The following AMZ2 variants were observed in gnomAD, a reference collection of about 807,000 sequenced individuals.
AMZ2 encodes the protein archaelysin family metallopeptidase 2, also known as archaemetzincin-2.
AMZ2 carries 26 observed loss-of-function variants against 36.7 expected under a neutral mutation model. That is an observed-to-expected ratio of 0.71 (90% CI 0.52 to 0.98). The LOEUF (loss-of-function observed/expected upper bound fraction) is 0.98, where lower values mean the gene tolerates loss of function less well. Ranked by LOEUF, AMZ2 falls within the 50% of genes least tolerant of loss-of-function variation. The pLI is 0.00. For synonymous variants in AMZ2, 144 were observed against 149.1 expected, an observed-to-expected ratio of 0.97 and a Z score of 0.25; for missense variants, 394 against 430.5, an observed-to-expected ratio of 0.92 and a Z score of 0.75.
intron 6 of AMZ2, among the ~76,000 whole-genome samples, chr17:68,256,197 A>G (rs1217612718): frequency 1.3e-5 from 2 of 152,204 alleles, no homozygotes; most frequent in East Asian, 1.9e-4. Context: ...TTTAAACCCT[A>G]TAAGTGTGTG....
At chr17:68,211,804 ATGTATATATGTATG>A (rs2073067975) in intron 1 of AMZ2, among the ~76,000 whole-genome samples, 2 of 137,262 alleles carry the variant, frequency 1.5e-5, no homozygotes, top group African/African-American at 5.2e-5. Context: ...ATATGTGTAT[ATGTATATATGTATG>A]TGTATGTATA....
At chr17:68,219,695 C>CT (rs538822566) in intron 1 of AMZ2, among the ~76,000 whole-genome samples, 6,973 of 125,118 alleles carry the variant, frequency 0.056, 386 homozygotes, top group East Asian at 0.23. Flanking sequence ...CCACATCTGG[C>CT]AAATTTTTTT....
rs1201837221 is a variant in AMZ2, at chr17:68,256,837, T to C, written c.951T>C (p.Asp317=). 2 of 1,613,594 alleles carry C rather than the reference T, an allele frequency of 1.2e-6. No homozygotes were observed. The highest frequency in any genetic ancestry group is 1.7e-6 in the Non-Finnish European group (2 of 1,179,850). The change falls in exon 7 of 7, where the codon GAT becomes GAC. Residue 317 remains aspartate (D), a synonymous_variant. Transcript: ENST00000359904. ...RYKALVRWID[D]ESSDTPGATP... ...AGGCACTGGTGAGGTGGATTGATGA[T>C]GAATCTTCTGACACACCTGGAGCAA... is the stretch of plus-strand genomic sequence containing the variant.
At position 68,211,149 on chromosome 17, in the gene AMZ2, G is replaced by A. The variant is rs144631042; in HGVS notation, c.-67+4911G>A. On this transcript the variant is annotated intron_variant, in intron 1 of 7. Coordinates refer to the AMZ2 transcript ENST00000674770. Reference sequence around the variant, plus strand: ...GTAAGTAAATACTTGCCAGGAAATGGGAGGGGAAATGGTTGAGTAGGGCCA... The same window carrying A: ...GTAAGTAAATACTTGCCAGGAAATGAGAGGGGAAATGGTTGAGTAGGGCCA... Among the ~76,000 whole-genome samples, 81 of 152,252 alleles carry A rather than the reference G, an allele frequency of 5.3e-4. 2 individuals carry two copies. In the Middle Eastern group the frequency reaches 0.024, roughly 45 times the overall value.
Position 68,206,130 on chromosome 17 carries a change from G to A in AMZ2, c.-175G>A, listed in dbSNP as rs143679728. 3.2e-3 allele frequency: 4,205 copies of A among 1,307,854 alleles called. 12 individuals are homozygous for A. The highest frequency in any genetic ancestry group is 3.5e-3 in the Non-Finnish European group (3,587 of 1,020,768). 81.0% of individuals were successfully genotyped at this position (1,307,854 alleles called of 1,614,324 possible). A position where few individuals can be genotyped will look rare whatever the true frequency, so the allele number is the denominator to read the frequency against. ...GGACAACGAGGAGCATGAGATGGAG[G>A]AGGACGAGGCTGATTCCGATTATCT... On this transcript the variant is annotated 5_prime_UTR_variant, in exon 1 of 8. Transcript: ENST00000674770.
intron 1 of AMZ2, among the ~76,000 whole-genome samples, chr17:68,238,038 C>G (rs1409941671): frequency 4.6e-5 from 7 of 152,228 alleles, no homozygotes; most frequent in African/African-American, 1.4e-4. Flanking sequence ...CCCTTGGAGT[C>G]TGAAAAAGGC....
Position 68,250,974 on chromosome 17 carries a change from T to TA in AMZ2, c.457+8dup. 2 of 1,611,982 alleles carry TA rather than the reference T, an allele frequency of 1.2e-6. No homozygotes were observed. Among genetic ancestry groups the TA allele is most frequent in the Non-Finnish European group, 1.7e-6 (2 of 1,179,522 alleles). On this transcript the variant is annotated splice_region_variant and intron_variant, in intron 3 of 6. Transcript: ENST00000359904. ...AACCTACAAATTCATGCAGGTGAAT[T>TA]ACACGACTTTGCAATTCGAACTGAG... is the stretch of plus-strand genomic sequence containing the variant.
At position 68,235,133 on chromosome 17, in the gene AMZ2, C is replaced by T. The variant is rs547094984; in HGVS notation, c.-66-13507C>T. 2.0e-4 allele frequency among the ~76,000 whole-genome samples: 31 copies of T among 152,302 alleles called. No homozygotes were observed. The highest frequency in any genetic ancestry group is 4.1e-4 in the Non-Finnish European group (28 of 68,026). On this transcript the variant is annotated intron_variant, in intron 1 of 7. Transcript: ENST00000674770. This position sits in a 1 kb window ranked among gnomAD's most constrained non-coding sequence, Gnocchi z 4.2. ...TCACATCAACAGGCCCTTTTGTCAG[C>T]GGGCATTTCCGTAATTAGAACTTGT...
chr17:68,238,206 T>A (rs553202569), intron 1 of AMZ2, among the ~76,000 whole-genome samples: 77 of 152,280 alleles, frequency 5.1e-4, no homozygotes, highest in Non-Finnish European at 8.4e-4. Context: ...TTATTTTCTT[T>A]CTTTCTTCTT....
chr17:68,213,647 T>C (rs1444727941), intron 1 of AMZ2, among the ~76,000 whole-genome samples: 3 of 152,232 alleles, frequency 2.0e-5, no homozygotes, highest in Non-Finnish European at 4.4e-5. Context: ...CGAGGTATTT[T>C]TGGTGGGCGT....
chr17:68,209,600 GTGTGTATATGTATATATA>G lies in AMZ2; in HGVS notation c.-67+3364_-67+3381del, dbSNP rs1202447137. 5.4e-4 allele frequency among the ~76,000 whole-genome samples: 65 copies of G among 121,168 alleles called. 2 individuals are homozygous for G. The highest frequency in any genetic ancestry group is 2.2e-3 in the East Asian group (8 of 3,654). 79.5% of individuals were successfully genotyped at this position (121,168 alleles called of 152,430 possible). On this transcript the variant is annotated intron_variant, in intron 1 of 7. Transcript: ENST00000674770. ...ATTGTGGGTGTGTGTGTGTGTGTGT[GTGTGTATATGTATATATA>G]TATATATATATATATTTTTTTTTTT...
chr17:68,251,688 G>A (rs1231192378), intron 4 of AMZ2, among the ~76,000 whole-genome samples: 1 of 151,942 alleles, frequency 6.6e-6, no homozygotes, highest in East Asian at 1.9e-4. Flanking sequence ...GTATATATAG[G>A]CCTGGCATAT....
chr17:68,214,583 G>C (rs1366414276), intron 1 of AMZ2, among the ~76,000 whole-genome samples: 2 of 152,112 alleles, frequency 1.3e-5, no homozygotes, highest in Admixed American at 1.3e-4. Context: ...TTAGGAATCT[G>C]CTCCAGCCAG....
At chr17:68,254,194 G>A (rs528908525) in intron 4 of AMZ2, among the ~76,000 whole-genome samples, 3 of 152,320 alleles carry the variant, frequency 2.0e-5, no homozygotes, top group Admixed American at 6.5e-5. Flanking sequence ...TACAAGGCAA[G>A]GCAAAGTGGA....
chr17:68,254,230 A>T (rs1555741382), intron 4 of AMZ2, among the ~76,000 whole-genome samples, 174 bp from the exon 5 acceptor site: 1 of 152,176 alleles, frequency 6.6e-6, no homozygotes, highest in East Asian at 1.9e-4. Flanking sequence ...TTGATAGGGA[A>T]ATCTGGGGCA....
intron 1 of AMZ2, among the ~76,000 whole-genome samples, chr17:68,220,421 C>T (rs2073317021): frequency 6.6e-6 from 1 of 151,972 alleles, no homozygotes; most frequent in South Asian, 2.1e-4. Flanking sequence ...AGACTGTAAG[C>T]TCCCGGAAGT....
At chr17:68,256,311 A>ATG (rs1486118485) in intron 6 of AMZ2, among the ~76,000 whole-genome samples, 4 of 152,054 alleles carry the variant, frequency 2.6e-5, no homozygotes, top group African/African-American at 4.8e-5. Flanking sequence ...TAATCTCAGT[A>ATG]TGTGTGTGTG....
Position 68,255,809 on chromosome 17 carries a change from A to G in AMZ2, c.860A>G (p.Asn287Ser). 1 of 1,614,008 alleles carries G rather than the reference A, an allele frequency of 6.2e-7. No homozygotes were observed. ...GAAGAAGCTGACCGGCGCCCTCTAAACCTTTGCCCTATCTGTTTGCACAAG... is the reference window on the plus strand; with the variant it reads ...GAAGAAGCTGACCGGCGCCCTCTAAGCCTTTGCCCTATCTGTTTGCACAAG... ...HLEEADRRPL[N>S]LCPICLHKLQ... The change falls in exon 6 of 7, where the codon AAC (asparagine) becomes AGC (serine). Residue 287 changes from asparagine to serine, a missense_variant. Coordinates refer to ENST00000359904, the MANE Select transcript of AMZ2 (RefSeq NM_016627.5).
intron 1 of AMZ2, among the ~76,000 whole-genome samples, chr17:68,231,205 A>G (rs2073655033): frequency 6.6e-6 from 1 of 152,040 alleles, no homozygotes; most frequent in Non-Finnish European, 1.5e-5. Flanking sequence ...CTGGTACTAC[A>G]GGAATGTGCC....
Sources: allele counts gnomAD v4.1 joint callset (sites outside exome capture counted in the v4.1 genomes callset), GRCh38; gene constraint gnomAD v4.1.1; non-coding constraint Gnocchi (gnomAD v3.1); transcripts MANE v1.5; gene names NCBI Gene and HGNC (gene_info 2026-07-23, HGNC 2026-07-21).